PREP: variants seen among roughly 807,000 people sequenced by gnomAD.
PREP encodes the protein dJ355L5.1 (prolyl endopeptidase).
A neutral mutation model predicts 87.6 loss-of-function variants in PREP; 29 were observed. That is an observed-to-expected ratio of 0.33 (90% CI 0.25 to 0.45). The LOEUF is 0.45. Among genes scored for constraint, PREP ranks in the 20% least tolerant of loss-of-function variants. The pLI, the probability that PREP is intolerant of heterozygous loss-of-function variation, is 1.00. For synonymous variants in PREP, 337 were observed against 328.6 expected, an observed-to-expected ratio of 1.03 and a Z score of -0.28; for missense variants, 695 against 886.5, an observed-to-expected ratio of 0.78 and a Z score of 2.74.
chr6:105,324,600 T>C (rs1327758068), intron 9 of PREP, among the ~76,000 whole-genome samples: 2 of 152,194 alleles, frequency 1.3e-5, no homozygotes, highest in Admixed American at 1.3e-4. Flanking sequence ...CCCCACATAA[T>C]ACTTTGAGCA....
intron 8 of PREP, among the ~76,000 whole-genome samples, chr6:105,331,316 C>T (rs760757701): frequency 6.6e-6 from 1 of 152,152 alleles, no homozygotes; most frequent in Non-Finnish European, 1.5e-5. Flanking sequence ...TATCACCCCC[C>T]CAACAAAATC....
At chr6:105,332,199 T>C (rs983871086) in intron 8 of PREP, among the ~76,000 whole-genome samples, 1 of 151,994 alleles carries the variant, frequency 6.6e-6, no homozygotes, top group Non-Finnish European at 1.5e-5. Flanking sequence ...AGTGCTTTCT[T>C]CAGGGCCAAG....
intron 10 of PREP, 105 bp downstream of exon 10, chr6:105,323,557 AGTT>A (rs1771072766): frequency 6.0e-6 from 6 of 992,028 alleles, no homozygotes; most frequent in Middle Eastern, 2.1e-4. Flanking sequence ...ACAAAATACT[AGTT>A]GTCATGAATT....
At chr6:105,351,713 C>T (rs1012827476) in intron 7 of PREP, among the ~76,000 whole-genome samples, 6 of 152,198 alleles carry the variant, frequency 3.9e-5, no homozygotes, top group Admixed American at 1.3e-4. Context: ...CGTTCAGGCT[C>T]AATCTTAAAA....
Position 105,281,775 on chromosome 6 carries a change from G to A in PREP, c.1809C>T (p.Asp603=). 2.5e-6 allele frequency: 4 copies of A among 1,614,042 alleles called. No individual in the cohort carries two copies. Among genetic ancestry groups the A allele is most frequent in the Non-Finnish European group, 2.5e-6 (3 of 1,179,988 alleles). The change falls in exon 14 of 15, where the codon GAC becomes GAT. Residue 603 remains aspartate (D), a synonymous_variant. Transcript: ENST00000652536. The part of the protein sequence containing the change: ...HAWTTDYGCS[D]SKQHFEWLVK... ...CAAGCCATTCAAAGTGTTGTTTGCT[G>A]TCCGAGCACCCATAATCAGTGGTCC... is the stretch of plus-strand genomic sequence containing the variant.
intron 6 of PREP, among the ~76,000 whole-genome samples, chr6:105,358,393 C>T (rs1446466128): frequency 2.0e-5 from 3 of 151,868 alleles, no homozygotes; most frequent in Non-Finnish European, 4.4e-5. Flanking sequence ...ATTTAGAGTA[C>T]TGATTAAATA....
chr6:105,390,549 A>C (rs1005862148), intron 2 of PREP, among the ~76,000 whole-genome samples: 1 of 152,200 alleles, frequency 6.6e-6, no homozygotes, highest in East Asian at 1.9e-4. Flanking sequence ...CAGACCTGAC[A>C]ATCAGTTACA....
intron 10 of PREP, chr6:105,302,448 G>A: frequency 4.0e-6 from 1 of 251,750 alleles, no homozygotes; most frequent in Non-Finnish European, 8.0e-6. Flanking sequence ...TTGACAATGT[G>A]ACGTTCAGGC....
intron 7 of PREP, among the ~76,000 whole-genome samples, chr6:105,336,253 C>T (rs1438345344): frequency 6.6e-6 from 1 of 152,228 alleles, no homozygotes; most frequent in Non-Finnish European, 1.5e-5. Context: ...GAACGAGACC[C>T]TGTCTCAAGA....
intron 6 of PREP, among the ~76,000 whole-genome samples, chr6:105,362,260 G>A (rs942977936): frequency 5.3e-5 from 8 of 152,074 alleles, no homozygotes; most frequent in African/African-American, 1.7e-4. Context: ...GAGGAGTTCA[G>A]GACCAGCCTG....
intron 5 of PREP, 42 bp downstream of exon 5, chr6:105,373,327 T>G: frequency 1.9e-6 from 3 of 1,588,546 alleles, no homozygotes; most frequent in Non-Finnish European, 2.6e-6. Flanking sequence ...AAGTCACACT[T>G]CATTTTGTGA....
At chr6:105,357,471 T>A (rs1772128955) in intron 6 of PREP, among the ~76,000 whole-genome samples, 4 of 152,244 alleles carry the variant, frequency 2.6e-5, no homozygotes. Context: ...ATTGCTGTTA[T>A]AACGCCAATT....
At chr6:105,315,719 A>G (rs761194682) in intron 10 of PREP, among the ~76,000 whole-genome samples, 8 of 152,244 alleles carry the variant, frequency 5.3e-5, no homozygotes, top group Admixed American at 1.3e-4. Flanking sequence ...AGCCACCTTC[A>G]TCAATTATTT....
At chr6:105,396,368 T>C (rs142731563) in intron 2 of PREP, among the ~76,000 whole-genome samples, 8 of 152,336 alleles carry the variant, frequency 5.3e-5, no homozygotes, top group Non-Finnish European at 8.8e-5. Context: ...CAGGTGAGGA[T>C]AGCAGAAAGC....
chr6:105,346,873 G>C (rs1346046503), intron 7 of PREP, among the ~76,000 whole-genome samples: 1 of 152,238 alleles, frequency 6.6e-6, no homozygotes, highest in African/African-American at 2.4e-5. Context: ...AGCTGAGGCA[G>C]ACGGATCACC....
rs746563652 is a variant in PREP at position 105,285,551 on chromosome 6, ATG to A, written c.1482_1483del (p.Met495GlyfsTer21). On this transcript the variant is annotated frameshift_variant, in exon 12 of 15. Coordinates refer to ENST00000652536, the MANE Select transcript of PREP (RefSeq NM_002726.5). LOFTEE classifies it high-confidence loss of function. Reference sequence around the variant, plus strand: ...GTTGGCCACTGCCAGGATACCACCCATGTGTCTCACAAAAATAAGCCTGGAAA... The same window carrying A: ...GTTGGCCACTGCCAGGATACCACCCATGTCTCACAAAAATAAGCCTGGAAA... 1 of 1,614,096 alleles carries A rather than the reference ATG, an allele frequency of 6.2e-7. No homozygotes were observed. Among genetic ancestry groups the A allele is most frequent in the Non-Finnish European group, 8.5e-7 (1 of 1,179,972 alleles).
intron 4 of PREP, 92 bp downstream of exon 4, chr6:105,376,033 C>A (rs1329262351): frequency 2.8e-6 from 4 of 1,450,888 alleles, no homozygotes; most frequent in Non-Finnish European, 3.7e-6. Flanking sequence ...CCACACCCTG[C>A]CTGGCATTTC....
At position 105,275,410 on chromosome 6, in the gene PREP, C is replaced by T. The variant is rs1272599269; in HGVS notation, c.*2734G>A. Among the ~76,000 whole-genome samples the T allele has an allele frequency of 6.6e-6, 1 of 152,168 alleles. No homozygotes were observed. Among genetic ancestry groups the T allele is most frequent in the African/African-American group, 2.4e-5 (1 of 41,436 alleles). On this transcript the variant is annotated 3_prime_UTR_variant, in exon 15 of 15. Coordinates refer to ENST00000652536, the MANE Select transcript of PREP (RefSeq NM_002726.5). ...ATATTCCAGGTAAGTCCATAGTGAACATAAATGTGACTTTATCTTGCTAAG... is the reference window on the plus strand; with the variant it reads ...ATATTCCAGGTAAGTCCATAGTGAATATAAATGTGACTTTATCTTGCTAAG...
intron 1 of PREP, 129 bp downstream of exon 1, chr6:105,402,717 CA>C (rs929282610): frequency 3.4e-6 from 3 of 870,816 alleles, no homozygotes; most frequent in South Asian, 2.4e-5. Flanking sequence ...TTCTCCCAAA[CA>C]AAGGCCGAGG....
Sources: allele counts gnomAD v4.1 joint callset (sites outside exome capture counted in the v4.1 genomes callset), GRCh38; gene constraint gnomAD v4.1.1; transcripts MANE v1.5; gene names NCBI Gene and HGNC (gene_info 2026-07-23, HGNC 2026-07-21).